GLI2: variants seen among roughly 807,000 people sequenced by gnomAD.
GLI2 encodes GLI family zinc finger 2, also known as transcription activator GLI2.
In GLI2, 22 loss-of-function variants were observed where a neutral mutation model predicts 78.9. The ratio of observed to expected loss-of-function variants is 0.28; its 90% confidence interval spans 0.20 to 0.40. The LOEUF (loss-of-function observed/expected upper bound fraction) is 0.40, where lower values mean the gene tolerates loss of function less well. Among genes scored for constraint, GLI2 ranks in the 10% least tolerant of loss-of-function variants. GLI2 has a pLI of 1.00. For synonymous variants in GLI2, 974 were observed against 963.7 expected (o/e 1.01, Z -0.20); for missense variants, 2,097 against 2,213.2 (o/e 0.95, Z 1.05).
chr2:120,783,233 G>T (rs1233904775), intron 1 of GLI2, among the ~76,000 whole-genome samples: 1 of 152,150 alleles, frequency 6.6e-6, no homozygotes, highest in Non-Finnish European at 1.5e-5. Context: ...CTCCTCTGCA[G>T]CTTCCTGCCG....
At chr2:120,903,637 A>G (rs1678371398) in intron 2 of GLI2, among the ~76,000 whole-genome samples, 1 of 152,188 alleles carries the variant, frequency 6.6e-6, no homozygotes. Flanking sequence ...CCTTTATTTC[A>G]CATCCTGCCT....
At chr2:120,941,372 C>CA (rs952187270) in intron 3 of GLI2, among the ~76,000 whole-genome samples, 6 of 152,214 alleles carry the variant, frequency 3.9e-5, no homozygotes, top group Admixed American at 3.9e-4. Context: ...GTTTCACCTA[C>CA]AAAACCAAAC....
intron 2 of GLI2, among the ~76,000 whole-genome samples, chr2:120,826,032 G>A (rs11898103): frequency 0.016 from 2,390 of 152,316 alleles, 64 homozygotes; most frequent in African/African-American, 0.053. Flanking sequence ...ATGGGAGGCT[G>A]CCTGGTGACG....
rs1683200354 is a variant in GLI2, at chr2:120,989,831, A to G, written c.3866A>G (p.Asp1289Gly). 44 of 1,612,232 alleles carry G rather than the reference A, an allele frequency of 2.7e-5. No individual in the cohort carries two copies. The highest frequency in any genetic ancestry group is 3.7e-5 in the Non-Finnish European group (44 of 1,179,394). ...CGCCACAGGGAACTTGGGGTCCCCG[A>G]TTCAGCCCTGGCTGGAGTGCCACCA... is the stretch of plus-strand genomic sequence containing the variant. ...GNRHRELGVP[D>G]SALAGVPPPH... Residue 1289 changes from aspartate to glycine, a missense_variant, in exon 14 of 14, where the codon GAT becomes GGT. Asp to Gly is a moderately conservative substitution (Grantham distance 94). Transcript: ENST00000361492.
At position 120,989,621 on chromosome 2, in the gene GLI2, G is replaced by A; in HGVS notation, c.3656G>A (p.Gly1219Asp). ...CCAGTGGCAGGCAGCCAGTGTCCTGGCATGACTACCACTATGAGCCCCCAT... is the reference window on the plus strand; with the variant it reads ...CCAGTGGCAGGCAGCCAGTGTCCTGACATGACTACCACTATGAGCCCCCAT... Reference protein sequence around the residue: ...RQPVAGSQCPGMTTTMSPHAC... With the variant: ...RQPVAGSQCPDMTTTMSPHAC... Residue 1219 changes from glycine (G) to aspartate (D), a missense_variant, in exon 14 of 14, where the codon GGC becomes GAC. Transcript: ENST00000361492. 6.2e-7 allele frequency: 1 copy of A among 1,613,148 alleles called. No individual in the cohort carries two copies. Among genetic ancestry groups the A allele is most frequent in the East Asian group, 2.2e-5 (1 of 44,850 alleles).
At chr2:120,895,788 A>C (rs1175353429) in intron 2 of GLI2, among the ~76,000 whole-genome samples, 3 of 152,240 alleles carry the variant, frequency 2.0e-5, no homozygotes, top group Admixed American at 6.5e-5. Context: ...CCCGGAACCC[A>C]GAGACACTTC....
At chr2:120,816,266 G>T (rs550184175) in intron 2 of GLI2, among the ~76,000 whole-genome samples, 5 of 147,236 alleles carry the variant, frequency 3.4e-5, no homozygotes, top group African/African-American at 1.3e-4. Context: ...TGCGATCTCA[G>T]TTCACTGCAA....
chr2:120,860,943 G>C (rs769726101), intron 2 of GLI2, among the ~76,000 whole-genome samples: 1 of 152,200 alleles, frequency 6.6e-6, no homozygotes, highest in Non-Finnish European at 1.5e-5. Flanking sequence ...TTAGAGATCC[G>C]TTATGGCCAG....
At chr2:120,864,490 C>T (rs1220641474) in intron 2 of GLI2, among the ~76,000 whole-genome samples, 5 of 151,690 alleles carry the variant, frequency 3.3e-5, no homozygotes, top group Admixed American at 6.6e-5. Flanking sequence ...TTTTTTGAGA[C>T]GGAGTCTCGC....
At chr2:120,939,001 G>T (rs186029216) in intron 3 of GLI2, among the ~76,000 whole-genome samples, 2 of 152,322 alleles carry the variant, frequency 1.3e-5, no homozygotes, top group Admixed American at 6.5e-5. Flanking sequence ...AACAAAAGTG[G>T]CCAGGTGTGG....
intron 2 of GLI2, among the ~76,000 whole-genome samples, chr2:120,895,813 C>T (rs1378235303): frequency 2.0e-5 from 3 of 152,246 alleles, no homozygotes. Context: ...GGTCACTGGT[C>T]TCCCCTCGTC....
In GLI2 at chr2:120,800,202, G is replaced by A. The variant is rs1323936762; in HGVS notation, c.148+2734G>A. 1.3e-5 allele frequency among the ~76,000 whole-genome samples: 2 copies of A among 152,172 alleles called. No homozygotes were observed. The highest frequency in any genetic ancestry group is 2.4e-5 in the African/African-American group (1 of 41,438). ...GGGACAGTGCCGCAGGGTGCACCCC[G>A]GGTGGATGCAAGGGTGTGGGGAGCT... On this transcript the variant is annotated intron_variant, in intron 2 of 13. Coordinates refer to ENST00000361492, the MANE Select transcript of GLI2 (RefSeq NM_001374353.1). The surrounding 1 kb of genome is among the most constrained non-coding windows in gnomAD (Gnocchi z 4.1).
chr2:120,970,566 A>G lies in GLI2; in HGVS notation c.1019A>G (p.Gln340Arg), dbSNP rs1271783575. The G allele has an allele frequency of 6.2e-7, 1 of 1,614,124 alleles. No homozygotes were observed. The highest frequency in any genetic ancestry group is 1.3e-5 in the African/African-American group (1 of 75,030). Residue 340 changes from glutamine to arginine, a missense_variant, in exon 7 of 14, where the codon CAG becomes CGG. By Grantham distance (43) the Gln-to-Arg change is conservative. This residue lies in a region of GLI2 where 578 missense variants were observed against 612.0 expected (regional missense o/e 0.94). Coordinates refer to ENST00000361492, the MANE Select transcript of GLI2 (RefSeq NM_001374353.1). ...ACCTCCATCAATGCCACGCCCACCC[A>G]GCTCAGCAGCAGCAGCAACTGTCTG... ...ALTSINATPT[Q>R]LSSSSNCLSD...
chr2:120,986,491 A>G lies in GLI2; in HGVS notation c.2119A>G (p.Thr707Ala), dbSNP rs772907056. The G allele has an allele frequency of 6.2e-7, 1 of 1,613,976 alleles. No individual in the cohort carries two copies. The highest frequency in any genetic ancestry group is 8.5e-7 in the Non-Finnish European group (1 of 1,180,006). ...AGGLQLRKHM[T>A]TMHRFEQLKK... ...TGGCCTCCAGCTGCGCAAACACATG[A>G]CCACCATGCACCGGTTCGAGCAGCT... is the stretch of plus-strand genomic sequence containing the variant. Residue 707 changes from threonine to alanine, a missense_variant, in exon 13 of 14, where the codon ACC (threonine) becomes GCC (alanine). Physicochemically the swap from Thr to Ala is moderately conservative, Grantham distance 58. Transcript: ENST00000361492.
intron 2 of GLI2, among the ~76,000 whole-genome samples, chr2:120,836,459 C>T (rs769423545): frequency 3.3e-5 from 5 of 152,176 alleles, no homozygotes; most frequent in South Asian, 2.1e-4. Flanking sequence ...ATTCCACAGC[C>T]GATTTCTCTC....
intron 2 of GLI2, among the ~76,000 whole-genome samples, chr2:120,877,992 G>T (rs1269148749): frequency 2.0e-5 from 3 of 152,150 alleles, no homozygotes; most frequent in Admixed American, 6.6e-5. Flanking sequence ...ACTGGAATTT[G>T]CTATTAAAAG....
chr2:120,959,043 G>A (rs1047188416), intron 5 of GLI2, among the ~76,000 whole-genome samples: 1 of 152,242 alleles, frequency 6.6e-6, no homozygotes, highest in Non-Finnish European at 1.5e-5. Context: ...GAATGTAGCT[G>A]TTGGCTCACA....
chr2:120,966,215 C>T (rs11122838), intron 5 of GLI2, among the ~76,000 whole-genome samples: 119,910 of 151,990 alleles, frequency 0.79, 52,021 homozygotes, highest in East Asian at 1. Context: ...CCCAGGCCAC[C>T]TCCCCATCCA....
intron 10 of GLI2, among the ~76,000 whole-genome samples, chr2:120,980,011 T>G (rs1429996686): frequency 6.6e-6 from 1 of 152,266 alleles, no homozygotes; most frequent in African/African-American, 2.4e-5. Flanking sequence ...CTCCATTGTA[T>G]GGATAGACCA....
Sources: allele counts gnomAD v4.1 joint callset (sites outside exome capture counted in the v4.1 genomes callset), GRCh38; gene constraint gnomAD v4.1.1; regional missense constraint gnomAD v4.1.1; non-coding constraint Gnocchi (gnomAD v3.1); transcripts MANE v1.5; gene names NCBI Gene and HGNC (gene_info 2026-07-23, HGNC 2026-07-21).